KIF11: variants seen among roughly 807,000 people sequenced by gnomAD.
The protein encoded by KIF11 is kinesin-like protein KIF11.
A neutral mutation model predicts 121.0 loss-of-function variants in KIF11; 9 were observed. The ratio of observed to expected loss-of-function variants is 0.07; its 90% CI spans 0.04 to 0.13. KIF11 has a LOEUF of 0.13. Ranked by LOEUF, KIF11 falls within the 10% of genes least tolerant of loss-of-function variation. The probability of loss-of-function intolerance (pLI) is 1.00; values close to 1 mark genes in which losing one functional copy is unlikely to be tolerated. For synonymous variants in KIF11, 408 were observed against 421.0 expected (o/e 0.97, Z 0.38); for missense variants, 846 against 1,217.5 (o/e 0.69, Z 4.54).
intron 16 of KIF11, 142 bp downstream of exon 16, chr10:92,637,687 C>T: frequency 1.3e-6 from 1 of 773,964 alleles, no homozygotes; most frequent in Non-Finnish European, 2.0e-6. Context: ...TTGCTTATAA[C>T]AGTAATTATT....
At chr10:92,598,312 A>T (rs552573925) in intron 1 of KIF11, among the ~76,000 whole-genome samples, 1 of 152,284 alleles carries the variant, frequency 6.6e-6, no homozygotes, top group South Asian at 2.1e-4. Context: ...TCTTTTGCAT[A>T]TGGATATTTA....
intron 11 of KIF11, among the ~76,000 whole-genome samples, chr10:92,629,191 C>G (rs1391871892): frequency 6.6e-6 from 1 of 151,912 alleles, no homozygotes; most frequent in Non-Finnish European, 1.5e-5. Context: ...ACCATGCTGG[C>G]CAGGCTGGTC....
intron 1 of KIF11, among the ~76,000 whole-genome samples, chr10:92,598,327 C>T (rs1383860752): frequency 3.3e-5 from 5 of 152,124 alleles, no homozygotes; most frequent in Non-Finnish European, 5.9e-5. Context: ...TATTTAGTTT[C>T]CCAGCACCAT....
In KIF11 at chr10:92,621,376, C is replaced by T. The variant is rs17875339; in HGVS notation, c.1129-9C>T. On this transcript the variant is annotated splice_polypyrimidine_tract_variant and intron_variant, in intron 9 of 21. Coordinates refer to ENST00000260731, the MANE Select transcript of KIF11 (RefSeq NM_004523.4). ...CTAAACTGACACCTACAACATTCCT[C>T]TTGTGTAGGAGTATACGGAGGAGAT... is the stretch of plus-strand genomic sequence containing the variant. 697 of 1,567,568 alleles carry T rather than the reference C, an allele frequency of 4.4e-4. 10 individuals are homozygous for T. In the South Asian group the frequency reaches 6.2e-3, roughly 14 times the overall value.
chr10:92,616,811 C>T lies in KIF11; in HGVS notation c.1107C>T (p.Leu369=), dbSNP rs148352790. The T allele has an allele frequency of 6.3e-7, 1 of 1,594,340 alleles. No individual in the cohort carries two copies. The highest frequency in any genetic ancestry group is 8.6e-7 in the Non-Finnish European group (1 of 1,168,062). The change falls in exon 9 of 22, where the codon CTC becomes CTT. Residue 369 remains leucine, a synonymous_variant. Transcript: ENST00000260731. ...ILNKPEVNQK[L]TKKALIKEYT... ...ATAAGCCTGAAGTGAATCAGAAACT[C>T]ACCAAAAAAGCTCTTATTAAGGTAA...
intron 1 of KIF11, among the ~76,000 whole-genome samples, chr10:92,601,489 G>T (rs7068118): frequency 0.11 from 16,171 of 151,958 alleles, 1,017 homozygotes; most frequent in South Asian, 0.17. Flanking sequence ...GATTACAGGC[G>T]TGAGCCACCA....
intron 10 of KIF11, among the ~76,000 whole-genome samples, chr10:92,626,695 C>T (rs546497381): frequency 6.6e-6 from 1 of 152,312 alleles, no homozygotes; most frequent in East Asian, 1.9e-4. Flanking sequence ...TTGGCATTCA[C>T]TATAAAAAAG....
At chr10:92,615,663 C>T (rs1337352363) in intron 8 of KIF11, among the ~76,000 whole-genome samples, 2 of 151,982 alleles carry the variant, frequency 1.3e-5, no homozygotes, top group African/African-American at 2.4e-5. Context: ...CTTTTTGCAT[C>T]TATATATTTG....
chr10:92,636,547 C>T (rs778096735), intron 14 of KIF11, among the ~76,000 whole-genome samples: 2 of 151,776 alleles, frequency 1.3e-5, no homozygotes, highest in South Asian at 2.1e-4. Context: ...ACCCAGGAGG[C>T]GGAGGTTGCA....
chr10:92,601,009 G>C (rs760333725), intron 1 of KIF11, among the ~76,000 whole-genome samples: 1 of 151,092 alleles, frequency 6.6e-6, no homozygotes, highest in African/African-American at 2.4e-5. Flanking sequence ...ACATGCACAT[G>C]CCACCACGCC....
intron 8 of KIF11, among the ~76,000 whole-genome samples, chr10:92,615,776 A>G (rs1205695611): frequency 6.6e-6 from 1 of 151,810 alleles, no homozygotes; most frequent in Non-Finnish European, 1.5e-5. Context: ...TCTGTGTTGT[A>G]CCAGCAATAC....
At chr10:92,598,564 G>T (rs1844328759) in intron 1 of KIF11, among the ~76,000 whole-genome samples, 1 of 152,086 alleles carries the variant, frequency 6.6e-6, no homozygotes, top group African/African-American at 2.4e-5. Flanking sequence ...GATTGTTTTG[G>T]CTATCTGGAC....
In KIF11 at chr10:92,653,745, G is replaced by A. The variant is rs778604768; in HGVS notation, c.3120G>A (p.Glu1040=). ...GGTCTAAAGTGGAAGAAACTACAGA[G>A]CACTTGGTTACAAAGAGCAGATTAC... is the stretch of plus-strand genomic sequence containing the variant. ...LERSKVEETT[E]HLVTKSRLPL... The change falls in exon 22 of 22, where the codon GAG becomes GAA. Residue 1040 remains glutamate (E), a synonymous_variant. Transcript: ENST00000260731. 6.2e-7 allele frequency: 1 copy of A among 1,613,800 alleles called. No individual in the cohort carries two copies. Among genetic ancestry groups the A allele is most frequent in the Non-Finnish European group, 8.5e-7 (1 of 1,179,704 alleles).
At chr10:92,637,032 CAAAAAAAAAAA>C (rs66987236) in intron 14 of KIF11, 141 bp from the exon 15 acceptor site, 9 of 374,800 alleles carry the variant, frequency 2.4e-5, no homozygotes, top group Middle Eastern at 7.5e-4. Flanking sequence ...GACTCCGTCT[CAAAAAAAAAAA>C]AAAAAAAAAA....
At chr10:92,647,463 C>T (rs1334015958) in intron 18 of KIF11, among the ~76,000 whole-genome samples, 1 of 152,122 alleles carries the variant, frequency 6.6e-6, no homozygotes, top group Non-Finnish European at 1.5e-5. Flanking sequence ...GACTTAAGAC[C>T]TATGAACCAA....
At chr10:92,644,720 G>C (rs987846513) in intron 17 of KIF11, among the ~76,000 whole-genome samples, 2 of 152,012 alleles carry the variant, frequency 1.3e-5, no homozygotes, top group Admixed American at 1.3e-4. Context: ...TGGTAATAGA[G>C]AGTCACTTCA....
intron 10 of KIF11, among the ~76,000 whole-genome samples, chr10:92,627,166 T>C (rs1844688788): frequency 6.6e-6 from 1 of 152,246 alleles, no homozygotes; most frequent in South Asian, 2.1e-4. Context: ...TAGTCAACAA[T>C]ATCTCTAGCT....
intron 21 of KIF11, among the ~76,000 whole-genome samples, chr10:92,651,537 T>G (rs867769386): frequency 1.8e-5 from 2 of 108,824 alleles, no homozygotes; most frequent in Admixed American, 9.2e-5. Context: ...TTTTTTTTTT[T>G]TTTTTTTTTT....
At chr10:92,607,547 G>A (rs1159766668) in intron 4 of KIF11, among the ~76,000 whole-genome samples, 1 of 152,196 alleles carries the variant, frequency 6.6e-6, no homozygotes, top group Non-Finnish European at 1.5e-5. Context: ...TGAAGGCAGG[G>A]AGGGCTTTGT....
Sources: gnomAD v4.1 joint callset for allele counts (sites outside exome capture counted in the v4.1 genomes callset) on GRCh38, gnomAD v4.1.1 for gene constraint, MANE v1.5 for transcripts, NCBI Gene and HGNC (gene_info 2026-07-23, HGNC 2026-07-21) for gene names.